Variants in RAP1B observed in about 807,000 individuals in gnomAD.
RAP1B encodes the protein RAP1B, member of RAS oncogene family, also known as ras-related protein Rap-1b.
In RAP1B, 1 loss-of-function variant was observed where a neutral mutation model predicts 27.5. That is an observed-to-expected ratio of 0.04 (90% CI 0.01 to 0.17). The LOEUF is 0.17. RAP1B is among the 10% of genes least tolerant of loss of function. RAP1B has a pLI of 1.00. For missense variants in RAP1B, 84 were observed against 214.8 expected, an observed-to-expected ratio of 0.39 and a Z score of 3.81; for synonymous variants, 75 against 73.1, an observed-to-expected ratio of 1.03 and a Z score of -0.13.
At position 68,662,021 on chromosome 12, in the gene RAP1B, T is replaced by TATATAA. The variant is rs1874620978; in HGVS notation, c.*2777_*2778insAATATA. On this transcript the variant is annotated 3_prime_UTR_variant, in exon 8 of 8. Transcript: ENST00000250559. ...TATCCTCTAGGTCTATATATATATA[T>TATATAA]ATATATATATATTATATATAGTACA... 1 of 145,664 alleles carries TATATAA rather than the reference T, an allele frequency of 6.9e-6. No individual in the cohort carries two copies. The highest frequency in any genetic ancestry group is 1.5e-5 in the Non-Finnish European group (1 of 66,548). The allele number at this position is 145,664 out of a possible 1,614,324, so 9.0% of individuals were successfully genotyped here. A position where few individuals can be genotyped will look rare whatever the true frequency, so the allele number is the denominator to read the frequency against.
chr12:68,625,808 G>A (rs1028022688), intron 1 of RAP1B, among the ~76,000 whole-genome samples: 2 of 152,172 alleles, frequency 1.3e-5, no homozygotes, highest in East Asian at 3.9e-4. Context: ...TGTAGTCCTA[G>A]CTACTCGGGA....
At chr12:68,626,753 A>G (rs1871811381) in intron 1 of RAP1B, 1 of 922,286 alleles carries the variant, frequency 1.1e-6, no homozygotes, top group African/African-American at 1.7e-5. Context: ...GAGGGAAGGT[A>G]GTATCAGAAT....
intron 1 of RAP1B, among the ~76,000 whole-genome samples, chr12:68,639,771 AG>A (rs1872868526): frequency 2.0e-5 from 3 of 152,270 alleles, no homozygotes; most frequent in East Asian, 1.9e-4. Flanking sequence ...TTGCAGAGGA[AG>A]GGGCTGGATT....
chr12:68,635,706 C>T (rs1292042444), intron 1 of RAP1B, among the ~76,000 whole-genome samples: 4 of 151,490 alleles, frequency 2.6e-5, no homozygotes, highest in South Asian at 2.1e-4. Flanking sequence ...CCACCCGCCT[C>T]GGCCTCCCAA....
Position 68,659,789 on chromosome 12 carries a change from T to C in RAP1B, c.*540T>C, listed in dbSNP as rs1442220803. 3 of 152,560 alleles carry C rather than the reference T, an allele frequency of 2.0e-5. No homozygotes were observed. The allele number at this position is 152,560 out of a possible 1,614,324, so 9.5% of individuals were successfully genotyped here. ...GCTTTGATTAACACAGCTATATAGTTTTTTTAATTTTTAAAAAACCTGTGG... is the reference window on the plus strand; with the variant it reads ...GCTTTGATTAACACAGCTATATAGTCTTTTTAATTTTTAAAAAACCTGTGG... On this transcript the variant is annotated 3_prime_UTR_variant, in exon 8 of 8. Transcript: ENST00000250559.
At chr12:68,638,683 A>T (rs567176636) in intron 1 of RAP1B, among the ~76,000 whole-genome samples, 1 of 152,034 alleles carries the variant, frequency 6.6e-6, no homozygotes, top group Non-Finnish European at 1.5e-5. Flanking sequence ...TTTTTGAGAC[A>T]GAGTCTCACT....
rs2135978613 is a variant in RAP1B, at chr12:68,663,008, A to G, written c.*3759A>G. On this transcript the variant is annotated 3_prime_UTR_variant, in exon 8 of 8. Transcript: ENST00000250559. Reference sequence around the variant, plus strand: ...CCTGTCTTAGAAAAAAAAGATAAATAAGTCTGTTCTATTTGTTACAGTGCA... The same window carrying G: ...CCTGTCTTAGAAAAAAAAGATAAATGAGTCTGTTCTATTTGTTACAGTGCA... 6.6e-6 allele frequency: 1 copy of G among 151,848 alleles called. No homozygotes were observed. The highest frequency in any genetic ancestry group is 2.4e-5 in the African/African-American group (1 of 41,432). The allele number at this position is 151,848 out of a possible 1,614,324, so 9.4% of individuals were successfully genotyped here.
At chr12:68,631,995 C>T (rs1293694993) in intron 1 of RAP1B, among the ~76,000 whole-genome samples, 2 of 151,894 alleles carry the variant, frequency 1.3e-5, no homozygotes, top group Non-Finnish European at 2.9e-5. Context: ...GTTGGTCACT[C>T]TGATTCCACT....
In RAP1B at chr12:68,614,109, G is replaced by A. The variant is rs550343648; in HGVS notation, c.-27+3066G>A. 1.8e-4 allele frequency among the ~76,000 whole-genome samples: 28 copies of A among 152,318 alleles called. 1 individual carries two copies. The South Asian group carries it at 5.2e-3, about 28-fold the overall frequency. On this transcript the variant is annotated intron_variant, in intron 1 of 7. Coordinates refer to ENST00000250559, the MANE Select transcript of RAP1B (RefSeq NM_001010942.3). ...AGATTGATAACATGGTAACTGATTA[G>A]ACATGTTATTTTAAATGCAGTCCAA...
At chr12:68,627,057 C>T (rs573523982) in intron 1 of RAP1B, 116 of 1,593,628 alleles carry the variant, frequency 7.3e-5, no homozygotes, top group African/African-American at 2.3e-4. Context: ...CTTGGCCCTG[C>T]GCAGGGCCTC....
intron 1 of RAP1B, among the ~76,000 whole-genome samples, chr12:68,629,520 C>G (rs931590865): frequency 6.6e-6 from 1 of 152,150 alleles, no homozygotes; most frequent in African/African-American, 2.4e-5. Flanking sequence ...CTTGAAGAAT[C>G]TAAATGCACA....
chr12:68,640,444 G>A (rs1872919215), intron 1 of RAP1B, among the ~76,000 whole-genome samples: 1 of 151,586 alleles, frequency 6.6e-6, no homozygotes, highest in African/African-American at 2.4e-5. Flanking sequence ...TATTCCCACT[G>A]CCTAGAATAG....
intron 1 of RAP1B, among the ~76,000 whole-genome samples, chr12:68,620,559 CTG>C (rs1296308537): frequency 2.0e-5 from 3 of 151,320 alleles, no homozygotes; most frequent in Admixed American, 6.6e-5. Flanking sequence ...CCTTGTTAAA[CTG>C]TTTTTATAAA....
At position 68,664,863 on chromosome 12, in the gene RAP1B, T is replaced by C. The variant is rs1469758993; in HGVS notation, c.*5614T>C. The C allele has an allele frequency of 1.3e-5, 2 of 152,242 alleles. No homozygotes were observed. Among genetic ancestry groups the C allele is most frequent in the Non-Finnish European group, 2.9e-5 (2 of 68,042 alleles). The allele number at this position is 152,242 out of a possible 1,614,324, so 9.4% of individuals were successfully genotyped here. The stretch of plus-strand genomic sequence containing the variant: ...CCATACTAAAGCAAGTGACTCATAA[T>C]AAAAATTGTTATTTTGTAAAATATA... On this transcript the variant is annotated 3_prime_UTR_variant, in exon 8 of 8. Coordinates refer to ENST00000250559, the MANE Select transcript of RAP1B (RefSeq NM_001010942.3).
In RAP1B at chr12:68,651,330, G is replaced by A. The variant is rs115121951; in HGVS notation, c.127-665G>A. Among the ~76,000 whole-genome samples the A allele has an allele frequency of 8.6e-3, 1,300 of 151,604 alleles. 25 individuals carry two copies. The highest frequency in any genetic ancestry group is 0.03 in the African/African-American group (1,230 of 41,310). On this transcript the variant is annotated intron_variant, in intron 3 of 7. Coordinates refer to ENST00000250559, the MANE Select transcript of RAP1B (RefSeq NM_001010942.3). ...TCTATGAAGCAGCCAACCTGGCCCC[G>A]CTGTTGCACAAATACTGTGTTTCCA...
At chr12:68,641,705 C>T (rs779202384) in intron 1 of RAP1B, among the ~76,000 whole-genome samples, 6 of 151,566 alleles carry the variant, frequency 4.0e-5, no homozygotes, top group Non-Finnish European at 7.4e-5. Flanking sequence ...CTAAAAACTA[C>T]CCAAAAAATA....
Position 68,616,438 on chromosome 12 carries a change from A to ATTTT in RAP1B, c.-27+5418_-27+5421dup, listed in dbSNP as rs142174644. Among the ~76,000 whole-genome samples the ATTTT allele has an allele frequency of 2.5e-4, 22 of 89,446 alleles. 2 individuals carry two copies. Among genetic ancestry groups the ATTTT allele is most frequent in the African/African-American group, 9.7e-4 (19 of 19,554 alleles). 58.7% of individuals were successfully genotyped at this position (89,446 alleles called of 152,430 possible). A position where few individuals can be genotyped will look rare whatever the true frequency, so the allele number is the denominator to read the frequency against. ...TAGCTGGGAATACTGTGCCTGGCTAATTTTTTTTTTTTTTTTTTTTTTTTT... is the reference window on the plus strand; with the variant it reads ...TAGCTGGGAATACTGTGCCTGGCTAATTTTTTTTTTTTTTTTTTTTTTTTTTTTT... On this transcript the variant is annotated intron_variant, in intron 1 of 7. Transcript: ENST00000250559.
chr12:68,613,110 T>G (rs1001424941), intron 1 of RAP1B, among the ~76,000 whole-genome samples: 4 of 152,120 alleles, frequency 2.6e-5, no homozygotes, highest in Non-Finnish European at 5.9e-5. Flanking sequence ...ATCCCAGCAC[T>G]TTGGGAGGCC....
rs552436929 is a variant in RAP1B, at chr12:68,614,759, C to CTGTA, written c.-27+3717_-27+3720dup. On this transcript the variant is annotated intron_variant, in intron 1 of 7. Coordinates refer to ENST00000250559, the MANE Select transcript of RAP1B (RefSeq NM_001010942.3). ...TGGACAAAATTTTTAGTTCAGCCATCTGTAAACAGGAGTACTGTACCATGG... is the reference window on the plus strand; with the variant it reads ...TGGACAAAATTTTTAGTTCAGCCATCTGTATGTAAACAGGAGTACTGTACCATGG... Among the ~76,000 whole-genome samples, 118 of 152,304 alleles carry CTGTA rather than the reference C, an allele frequency of 7.7e-4. 1 individual carries two copies. The highest frequency in any genetic ancestry group is 2.7e-3 in the African/African-American group (114 of 41,568).
Sources: allele counts gnomAD v4.1 joint callset (sites outside exome capture counted in the v4.1 genomes callset), GRCh38; gene constraint gnomAD v4.1.1; transcripts MANE v1.5; gene names NCBI Gene and HGNC (gene_info 2026-07-23, HGNC 2026-07-21).